Variants in KCNH5 observed in about 807,000 individuals in gnomAD.
KCNH5 encodes potassium voltage-gated channel subfamily H member 5.
Under a neutral mutation model 96.1 loss-of-function variants are expected in KCNH5, and 46 were observed. The observed-to-expected ratio is 0.48, with a 90% CI of 0.38 to 0.61. KCNH5 has a LOEUF of 0.61. Ranked by LOEUF, KCNH5 falls within the 20% of genes least tolerant of loss-of-function variation. The pLI is 0.00. For missense variants in KCNH5, 907 were observed against 1,225.8 expected (o/e 0.74, Z 3.88); for synonymous variants, 439 against 449.8 (o/e 0.98, Z 0.30).
At chr14:62,919,733 C>T (rs1467875562) in intron 7 of KCNH5, among the ~76,000 whole-genome samples, 3 of 152,072 alleles carry the variant, frequency 2.0e-5, no homozygotes, top group African/African-American at 4.8e-5. Context: ...ACAATATCTA[C>T]GTGGCCCATC....
chr14:62,799,739 AC>A (rs1595627766), intron 9 of KCNH5, among the ~76,000 whole-genome samples: 1 of 134,534 alleles, frequency 7.4e-6, no homozygotes, highest in East Asian at 2.2e-4. Flanking sequence ...ACACACACAC[AC>A]ACACATATCA....
At chr14:62,826,342 A>C (rs1213677253) in intron 8 of KCNH5, among the ~76,000 whole-genome samples, 1 of 149,592 alleles carries the variant, frequency 6.7e-6, no homozygotes, top group Non-Finnish European at 1.5e-5. Context: ...GTATACCTTT[A>C]CCCATCTCTT....
chr14:62,718,837 T>C (rs1017653667), intron 10 of KCNH5, among the ~76,000 whole-genome samples: 14 of 152,080 alleles, frequency 9.2e-5, no homozygotes, highest in African/African-American at 3.4e-4. Flanking sequence ...TTGACAAAAA[T>C]GTAGTGTATC....
intron 9 of KCNH5, among the ~76,000 whole-genome samples, chr14:62,799,537 C>A (rs1187402023): frequency 1.6e-5 from 2 of 128,936 alleles, no homozygotes; most frequent in African/African-American, 6.0e-5. Flanking sequence ...CACACCATTG[C>A]ACTCCAGCCT....
chr14:62,830,904 T>G (rs1195402873), intron 8 of KCNH5, among the ~76,000 whole-genome samples: 2 of 152,168 alleles, frequency 1.3e-5, no homozygotes, highest in Admixed American at 1.3e-4. Context: ...ATTAGGTTCC[T>G]TATCTAAAAC....
intron 10 of KCNH5, among the ~76,000 whole-genome samples, chr14:62,753,256 T>G (rs139359185): frequency 2.6e-5 from 4 of 151,792 alleles, no homozygotes; most frequent in Non-Finnish European, 5.9e-5. Flanking sequence ...TGATCAAGCA[T>G]GAGAAACAAC....
intron 7 of KCNH5, among the ~76,000 whole-genome samples, chr14:62,855,750 C>A (rs535460657): frequency 6.6e-6 from 1 of 152,142 alleles, no homozygotes; most frequent in African/African-American, 2.4e-5. Flanking sequence ...ATAATATGAA[C>A]ATTAAAGACA....
chr14:62,903,894 T>C lies in KCNH5; in HGVS notation c.1369+46239A>G, dbSNP rs942778368. Among the ~76,000 whole-genome samples the C allele has an allele frequency of 2.0e-5, 3 of 151,998 alleles. No individual in the cohort carries two copies. In the East Asian group the frequency reaches 5.8e-4, roughly 29 times the overall value. On this transcript the variant is annotated intron_variant, in intron 7 of 10. Transcript: ENST00000322893. ...TAGATCTAATATTATAATTTTATTA[T>C]ATTATAAATCATATTTTTTTATTTT...
At chr14:62,747,671 G>T (rs988167770) in intron 10 of KCNH5, among the ~76,000 whole-genome samples, 1 of 152,144 alleles carries the variant, frequency 6.6e-6, no homozygotes, top group Non-Finnish European at 1.5e-5. Flanking sequence ...AAGTCTGTTC[G>T]TTAACCTAAA....
intron 10 of KCNH5, among the ~76,000 whole-genome samples, chr14:62,762,320 T>C (rs72625624): frequency 0.056 from 8,581 of 152,140 alleles, 384 homozygotes; most frequent in East Asian, 0.25. Context: ...TCCCGTGTGG[T>C]CCCTGCAAGC....
chr14:62,941,179 A>G (rs1322841847), intron 7 of KCNH5, among the ~76,000 whole-genome samples: 3 of 152,252 alleles, frequency 2.0e-5, no homozygotes, highest in Admixed American at 6.5e-5. Flanking sequence ...ATACAAGGAC[A>G]CAAGAGATGA....
intron 1 of KCNH5, among the ~76,000 whole-genome samples, chr14:63,027,842 T>A (rs1891554267): frequency 6.6e-6 from 1 of 152,106 alleles, no homozygotes; most frequent in African/African-American, 2.4e-5. Context: ...AAACTTTTTT[T>A]ATTAAAGCTC....
At chr14:62,796,069 A>C (rs1480496407) in intron 9 of KCNH5, among the ~76,000 whole-genome samples, 1 of 152,196 alleles carries the variant, frequency 6.6e-6, no homozygotes, top group African/African-American at 2.4e-5. Flanking sequence ...AAAGAAGAGC[A>C]AAAGCCAGAC....
chr14:62,930,690 CA>C (rs1005988294), intron 7 of KCNH5, among the ~76,000 whole-genome samples: 3 of 152,162 alleles, frequency 2.0e-5, no homozygotes, highest in African/African-American at 7.2e-5. Flanking sequence ...CTGTGCACTA[CA>C]GAATGCTGTT....
intron 7 of KCNH5, among the ~76,000 whole-genome samples, chr14:62,937,322 C>T (rs1354447982): frequency 1.3e-5 from 2 of 152,178 alleles, no homozygotes; most frequent in East Asian, 1.9e-4. Flanking sequence ...CATTTTTGAC[C>T]CTGTACAGTC....
intron 1 of KCNH5, among the ~76,000 whole-genome samples, chr14:63,044,025 T>A (rs1891875304): frequency 6.6e-6 from 1 of 152,154 alleles, no homozygotes; most frequent in Admixed American, 6.5e-5. Context: ...AATGAATGAA[T>A]AAACAAGGCA....
chr14:62,785,651 C>A (rs1886306541), intron 9 of KCNH5, among the ~76,000 whole-genome samples: 1 of 152,132 alleles, frequency 6.6e-6, no homozygotes. Context: ...AAGTATTTCA[C>A]TGTTAAACTA....
intron 1 of KCNH5, among the ~76,000 whole-genome samples, chr14:63,030,371 G>A (rs1891602363): frequency 6.6e-6 from 1 of 152,206 alleles, no homozygotes; most frequent in African/African-American, 2.4e-5. Context: ...AAGGGGCTAA[G>A]ACTTGAAAAC....
At chr14:62,757,019 G>T (rs1885638714) in intron 10 of KCNH5, among the ~76,000 whole-genome samples, 1 of 152,050 alleles carries the variant, frequency 6.6e-6, no homozygotes, top group African/African-American at 2.4e-5. Context: ...CACAGAATTG[G>T]AGAAAATATT....
Sources: gnomAD v4.1 joint callset for allele counts (sites outside exome capture counted in the v4.1 genomes callset) on GRCh38, gnomAD v4.1.1 for gene constraint, MANE v1.5 for transcripts, NCBI Gene and HGNC (gene_info 2026-07-23, HGNC 2026-07-21) for gene names.